OTOP1: variants seen among roughly 807,000 people sequenced by gnomAD.
OTOP1 encodes the protein proton channel OTOP1.
Under a neutral mutation model 52.9 loss-of-function variants are expected in OTOP1, and 59 were observed. The ratio of observed to expected loss-of-function variants is 1.12; its 90% CI spans 0.91 to 1.39. The LOEUF (loss-of-function observed/expected upper bound fraction) is 1.39. OTOP1 is among the 40% of genes most tolerant of loss of function. OTOP1 has a pLI of 0.00. For synonymous variants in OTOP1, 317 were observed against 337.7 expected (o/e 0.94, Z 0.67); for missense variants, 761 against 800.9 (o/e 0.95, Z 0.60).
Position 4,197,979 on chromosome 4 carries a change from G to C in OTOP1, c.855C>G (p.Leu285=), listed in dbSNP as rs1268061874. 3.7e-6 allele frequency: 6 copies of C among 1,614,008 alleles called. No individual in the cohort carries two copies. The African/African-American group carries it at 4.0e-5, about 11-fold the overall frequency. ...IEYQILASTM[L]YVLWKNIGRK... is the part of the protein sequence containing the mutation. ...GCCCGATGTTCTTCCACAGGACGTA[G>C]AGCATTGTGGAGGCCAGGATCTGAT... is the stretch of plus-strand genomic sequence containing the variant. Residue 285 remains leucine, a synonymous_variant, in exon 5 of 6, where the codon CTC becomes CTG. Coordinates refer to ENST00000296358, the MANE Select transcript of OTOP1 (RefSeq NM_177998.3).
rs1035727857 is a variant in OTOP1 at position 4,213,118 on chromosome 4, A to AT, written c.404-115dup. 2.9e-5 allele frequency: 38 copies of AT among 1,326,342 alleles called. 2 individuals are homozygous for AT. In the South Asian group the frequency reaches 3.5e-4, roughly 12 times the overall value. 82.2% of individuals were successfully genotyped at this position (1,326,342 alleles called of 1,614,324 possible). A position where few individuals can be genotyped will look rare whatever the true frequency, so the allele number is the denominator to read the frequency against. ...AAACCCTTATGTATATGGTCAAATG[A>AT]TTTTTCACAAGGGTGCCGAGACCAT... On this transcript the variant is annotated intron_variant, in intron 1 of 5. Transcript: ENST00000296358.
intron 1 of OTOP1, among the ~76,000 whole-genome samples, chr4:4,214,140 A>T (rs1169785776): frequency 6.6e-6 from 1 of 152,202 alleles, no homozygotes; most frequent in African/African-American, 2.4e-5. Context: ...AAATTGGCAA[A>T]GGACATGAAT....
intron 3 of OTOP1, among the ~76,000 whole-genome samples, chr4:4,203,516 C>T (rs1168312272): frequency 6.6e-6 from 1 of 152,168 alleles, no homozygotes; most frequent in African/African-American, 2.4e-5. Context: ...TGCCATGCTG[C>T]CTCCTAAGGC....
Position 4,210,351 on chromosome 4 carries a change from G to A in OTOP1, c.540+2517C>T, listed in dbSNP as rs1339916539. 3.3e-5 allele frequency among the ~76,000 whole-genome samples: 5 copies of A among 152,166 alleles called. No individual in the cohort carries two copies. The East Asian group carries it at 9.6e-4, about 29-fold the overall frequency. On this transcript the variant is annotated intron_variant, in intron 2 of 5. Transcript: ENST00000296358. ...GATCAGCTTGGGCTGCCGTAACAAA[G>A]GACCACAGACCATCAGCTTCAATCA...
intron 1 of OTOP1, among the ~76,000 whole-genome samples, chr4:4,220,098 TATA>T (rs1284992076): frequency 0.044 from 4,632 of 106,264 alleles, 397 homozygotes; most frequent in African/African-American, 0.12. Context: ...TATATATATA[TATA>T]TATATTTTTT....
intron 1 of OTOP1, among the ~76,000 whole-genome samples, chr4:4,218,785 C>T (rs183065752): frequency 2.3e-3 from 343 of 152,038 alleles, no homozygotes; most frequent in Non-Finnish European, 4.0e-3. Context: ...AAACATTTGC[C>T]CAGTGTGGTG....
At chr4:4,205,998 T>C in intron 3 of OTOP1, 74 bp downstream of exon 3, 4 of 1,257,156 alleles carry the variant, frequency 3.2e-6, no homozygotes, top group Non-Finnish European at 4.6e-6. Flanking sequence ...CAAAGCAAGA[T>C]GGCAGTGATG....
chr4:4,226,724 GC>G lies in OTOP1; in HGVS notation c.140del (p.Gly47AlafsTer15). 7.1e-7 allele frequency: 1 copy of G among 1,404,886 alleles called. No individual in the cohort carries two copies. Among genetic ancestry groups the G allele is most frequent in the Non-Finnish European group, 9.3e-7 (1 of 1,076,700 alleles). 87.0% of individuals were successfully genotyped at this position (1,404,886 alleles called of 1,614,324 possible). On this transcript the variant is annotated frameshift_variant, in exon 1 of 6. Transcript: ENST00000296358. LOFTEE classifies it high-confidence loss of function. The stretch of plus-strand genomic sequence containing the variant: ...TCTGTGGGACGCTGGCGCGCACACC[GC>G]CCCGCCGGGGGGCCGGGGATTCCGG... The part of the protein sequence containing the change: ...RSPESPAPRR[G>X]GVRASVPQKL...
intron 1 of OTOP1, among the ~76,000 whole-genome samples, chr4:4,220,094 TATATATATA>T (rs1717264628): frequency 1.9e-5 from 2 of 103,788 alleles, no homozygotes; most frequent in African/African-American, 8.7e-5. Flanking sequence ...TATATATATA[TATATATATA>T]TATTTTTTTT....
In OTOP1 at chr4:4,198,075, G is replaced by A; in HGVS notation, c.759C>T (p.Asn253=). The A allele has an allele frequency of 6.2e-7, 1 of 1,614,090 alleles. No individual in the cohort carries two copies. The highest frequency in any genetic ancestry group is 1.1e-5 in the South Asian group (1 of 91,080). ...TVLDDHTPQC[N]CTPPTLCTAI... Reference sequence around the variant, plus strand: ...CAGTGCACAGAGTTGGGGGCGTGCAGTTACACTGCGGTGTGTGGTCATCTA... The same window carrying A: ...CAGTGCACAGAGTTGGGGGCGTGCAATTACACTGCGGTGTGTGGTCATCTA... Residue 253 remains asparagine (N), a synonymous_variant, in exon 5 of 6, where the codon AAC becomes AAT. Transcript: ENST00000296358.
intron 1 of OTOP1, among the ~76,000 whole-genome samples, chr4:4,225,295 C>A (rs1717402306): frequency 6.6e-6 from 1 of 152,180 alleles, no homozygotes. Flanking sequence ...CCCAGCCAGG[C>A]ACAGTGGTTC....
intron 4 of OTOP1, among the ~76,000 whole-genome samples, chr4:4,199,246 G>C (rs1259110299): frequency 1.5e-5 from 2 of 136,464 alleles, no homozygotes; most frequent in East Asian, 4.0e-4. Flanking sequence ...GAGAGAGAGA[G>C]AGAGAGAGAG....
At chr4:4,200,234 G>A (rs1716750565) in intron 4 of OTOP1, among the ~76,000 whole-genome samples, 1 of 152,200 alleles carries the variant, frequency 6.6e-6, no homozygotes, top group South Asian at 2.1e-4. Flanking sequence ...GGTGGCTCAC[G>A]CCTGTAATCC....
Position 4,188,928 on chromosome 4 carries a change from C to G in OTOP1, c.1714G>C (p.Gly572Arg). 6.2e-7 allele frequency: 1 copy of G among 1,613,800 alleles called. No individual in the cohort carries two copies. Among genetic ancestry groups the G allele is most frequent in the Non-Finnish European group, 8.5e-7 (1 of 1,179,790 alleles). Residue 572 changes from glycine to arginine, a missense_variant, in exon 6 of 6, where the codon GGA becomes CGA. By Grantham distance (125) the Gly-to-Arg change is moderately radical. Coordinates refer to ENST00000296358, the MANE Select transcript of OTOP1 (RefSeq NM_177998.3). ...AFGCRPEYDN[G>R]LEEIVFGFEP... is the part of the protein sequence containing the mutation. The stretch of plus-strand genomic sequence containing the variant: ...AAGCCAAAGACAATCTCCTCCAATC[C>G]ATTGTCATACTCAGGTCGACAGCCA...
At chr4:4,207,053 AGTTAT>A in intron 2 of OTOP1, among the ~76,000 whole-genome samples, 1 of 152,344 alleles carries the variant, frequency 6.6e-6, no homozygotes, top group East Asian at 1.9e-4. Flanking sequence ...TTTATTCTCT[AGTTAT>A]AAAAATAAAA....
rs570116180 is a variant in OTOP1 at position 4,217,669 on chromosome 4, G to A, written c.404-4665C>T. Among the ~76,000 whole-genome samples, 3 of 152,292 alleles carry A rather than the reference G, an allele frequency of 2.0e-5. No homozygotes were observed. The East Asian group carries it at 5.8e-4, about 29-fold the overall frequency. ...GTAAACATATAAAGAATGTCAGGAA[G>A]TGCTAAGTGCATGAAGAAAAGTAAA... On this transcript the variant is annotated intron_variant, in intron 1 of 5. Coordinates refer to ENST00000296358, the MANE Select transcript of OTOP1 (RefSeq NM_177998.3).
At chr4:4,209,232 A>G (rs1371785334) in intron 2 of OTOP1, among the ~76,000 whole-genome samples, 1 of 152,108 alleles carries the variant, frequency 6.6e-6, no homozygotes, top group Non-Finnish European at 1.5e-5. Context: ...GACAAAAGCA[A>G]TTTCATCCTG....
chr4:4,190,038 G>A (rs1352985551), intron 5 of OTOP1, among the ~76,000 whole-genome samples: 1 of 152,140 alleles, frequency 6.6e-6, no homozygotes, highest in Admixed American at 6.5e-5. Flanking sequence ...TGAGTATTGG[G>A]GTGGTCTCTT....
chr4:4,224,578 G>T (rs998120273), intron 1 of OTOP1, among the ~76,000 whole-genome samples: 1 of 152,166 alleles, frequency 6.6e-6, no homozygotes, highest in Non-Finnish European at 1.5e-5. Context: ...ATAACACTTT[G>T]TGCCTTGTTT....
Sources: allele counts gnomAD v4.1 joint callset (sites outside exome capture counted in the v4.1 genomes callset), GRCh38; gene constraint gnomAD v4.1.1; transcripts MANE v1.5; gene names NCBI Gene and HGNC (gene_info 2026-07-23, HGNC 2026-07-21).